The following KYAT3 variants were observed in gnomAD, a reference collection of about 807,000 sequenced individuals.
KYAT3 encodes the protein kynurenine--oxoglutarate transaminase 3.
In KYAT3, 50 loss-of-function variants were observed where a neutral mutation model predicts 59.0. The ratio of observed to expected loss-of-function variants is 0.85; its 90% CI spans 0.68 to 1.07. The LOEUF (loss-of-function observed/expected upper bound fraction) is 1.07. Among genes scored for constraint, KYAT3 ranks in the 50% least tolerant of loss-of-function variants. The pLI is 0.00. For missense variants in KYAT3, 497 were observed against 533.3 expected, an observed-to-expected ratio of 0.93 and a Z score of 0.67; for synonymous variants, 148 against 177.0, an observed-to-expected ratio of 0.84 and a Z score of 1.30.
At chr1:88,973,880 A>C (rs1676655511) in intron 2 of KYAT3, among the ~76,000 whole-genome samples, 1 of 152,210 alleles carries the variant, frequency 6.6e-6, no homozygotes, top group Non-Finnish European at 1.5e-5. Context: ...TTCCCATAAG[A>C]TCTGAGGCAG....
chr1:88,927,917 T>C, the KYAT3 span, among the ~76,000 whole-genome samples: 49 of 152,132 alleles, frequency 3.2e-4, no homozygotes, highest in African/African-American at 1.1e-3. Flanking sequence ...TGATCTCTGG[T>C]ATCTCAGTCA....
intron 2 of KYAT3, chr1:88,981,999 A>G (rs1677115543): frequency 1.0e-6 from 1 of 981,468 alleles, no homozygotes; most frequent in Non-Finnish European, 1.2e-6. Flanking sequence ...AGTATTCCGT[A>G]GTTGTTTAGC....
At position 88,988,342 on chromosome 1, in the gene KYAT3, C is replaced by A. The variant is rs1677591652; in HGVS notation, c.9G>T (p.Leu3Phe). Residue 3 changes from leucine (L) to phenylalanine (F), a missense_variant, in exon 2 of 14, where the codon TTG (leucine) becomes TTT (phenylalanine). Around this residue, in one of 2 missense-constraint regions of KYAT3, gnomAD observed 469 missense variants for 479.1 expected, o/e 0.98. Transcript: ENST00000260508. MF[L>F]AQRSLCSLSG... is the part of the protein sequence containing the mutation. ...TAAGAGAGCAGAGGCTCCTCTGGGCCAAAAACATGCTATTAAATAAAAGAA... is the reference window on the plus strand; with the variant it reads ...TAAGAGAGCAGAGGCTCCTCTGGGCAAAAAACATGCTATTAAATAAAAGAA... 3 of 1,605,988 alleles carry A rather than the reference C, an allele frequency of 1.9e-6. No homozygotes were observed. The highest frequency in any genetic ancestry group is 4.5e-5 in the East Asian group (2 of 44,748).
At chr1:88,935,420 C>G (rs918478917), downstream of KYAT3, among the ~76,000 whole-genome samples, 3 of 150,680 alleles carry the variant, frequency 2.0e-5, no homozygotes, top group Non-Finnish European at 4.4e-5. Context: ...CAACAATGAG[C>G]TGGAAGAATA....
intron 2 of KYAT3, chr1:88,982,794 C>A (rs1362991201): frequency 1.2e-6 from 2 of 1,613,868 alleles, no homozygotes; most frequent in Non-Finnish European, 8.5e-7. Flanking sequence ...AGCCCTCTTT[C>A]TTGTCTGCCA....
intron 11 of KYAT3, among the ~76,000 whole-genome samples, chr1:88,948,879 C>T (rs943645812): frequency 6.6e-6 from 1 of 152,164 alleles, no homozygotes; most frequent in South Asian, 2.1e-4. Flanking sequence ...ACTAGAACAA[C>T]ACTGACTCCA....
chr1:88,959,853 G>T (rs1302273381), intron 8 of KYAT3, among the ~76,000 whole-genome samples: 1 of 151,244 alleles, frequency 6.6e-6, no homozygotes, highest in Non-Finnish European at 1.5e-5. Flanking sequence ...TATGGCACAT[G>T]CAACAATGCA....
the KYAT3 span, chr1:88,923,410 A>C: frequency 1.3e-5 from 2 of 153,680 alleles, no homozygotes; most frequent in Non-Finnish European, 2.9e-5. Flanking sequence ...CCACCCCCCG[A>C]CAGCCTGTCA....
Position 88,953,141 on chromosome 1 carries a change from G to C in KYAT3, c.876C>G (p.Ser292=). The stretch of plus-strand genomic sequence containing the variant: ...GTTTTATCAAATGATTTGGACCAAT[G>C]GACCAGCCAAGCTGGGAAAGGAAAA... The part of the protein sequence containing the change: ...FSVTGWKLGW[S]IGPNHLIKHL... The change falls in exon 10 of 14, where the codon TCC becomes TCG. Residue 292 remains serine, a synonymous_variant. Coordinates refer to ENST00000260508, the MANE Select transcript of KYAT3 (RefSeq NM_001008661.3). 6.2e-7 allele frequency: 1 copy of C among 1,610,716 alleles called. No homozygotes were observed.
At chr1:88,983,482 T>G (rs1336958328) in intron 2 of KYAT3, 1 of 1,614,006 alleles carries the variant, frequency 6.2e-7, no homozygotes, top group Non-Finnish European at 8.5e-7. Flanking sequence ...TTCCTCCACT[T>G]CCTCCTCTTC....
At chr1:88,974,829 A>C (rs1177576958) in intron 2 of KYAT3, among the ~76,000 whole-genome samples, 1 of 151,812 alleles carries the variant, frequency 6.6e-6, no homozygotes, top group Non-Finnish European at 1.5e-5. Flanking sequence ...GATTGTAAAC[A>C]CACCAATTAG....
At chr1:88,926,917 C>T in the KYAT3 span, among the ~76,000 whole-genome samples, 2 of 152,176 alleles carry the variant, frequency 1.3e-5, no homozygotes, top group Admixed American at 1.3e-4. Context: ...TACTCAGGAA[C>T]CCAGCCCAGC....
At chr1:88,991,577 G>T (rs1035761572) in intron 1 of KYAT3, among the ~76,000 whole-genome samples, 1 of 152,224 alleles carries the variant, frequency 6.6e-6, no homozygotes, top group African/African-American at 2.4e-5. Context: ...GGAGTACAGT[G>T]GAAGGATGCG....
chr1:88,970,965 T>C (rs1676533712), intron 2 of KYAT3, among the ~76,000 whole-genome samples: 1 of 152,180 alleles, frequency 6.6e-6, no homozygotes, highest in Non-Finnish European at 1.5e-5. Flanking sequence ...GTAAATCACA[T>C]GAAAATTCTC....
intron 1 of KYAT3, among the ~76,000 whole-genome samples, chr1:88,988,878 C>A (rs1007361456): frequency 1.3e-5 from 2 of 152,274 alleles, no homozygotes; most frequent in African/African-American, 4.8e-5. Flanking sequence ...TTAGGTTATT[C>A]TGAAGGTACT....
At chr1:88,924,352 G>A in the KYAT3 span, among the ~76,000 whole-genome samples, 1 of 152,148 alleles carries the variant, frequency 6.6e-6, no homozygotes, top group Non-Finnish European at 1.5e-5. Flanking sequence ...CCAATGCTGG[G>A]ACTTACATGA....
In KYAT3 at chr1:88,976,583, G is replaced by A. The variant is rs553027363; in HGVS notation, c.100-7116C>T. 4.6e-5 allele frequency among the ~76,000 whole-genome samples: 7 copies of A among 152,202 alleles called. No individual in the cohort carries two copies. In the South Asian group the frequency reaches 1.5e-3, roughly 32 times the overall value. On this transcript the variant is annotated intron_variant, in intron 2 of 13. Transcript: ENST00000260508. ...TATTTACTATACCATACCTTTTATT[G>A]TTATTTTAGAGTGTACCCTTACTTA...
chr1:88,932,474 T>G (rs527418350), downstream of KYAT3, among the ~76,000 whole-genome samples: 24 of 152,120 alleles, frequency 1.6e-4, no homozygotes, highest in Non-Finnish European at 3.1e-4. Flanking sequence ...AGTAATTATA[T>G]ACAATGCCGC....
At chr1:88,971,155 CCACAAA>C (rs950726719) in intron 2 of KYAT3, among the ~76,000 whole-genome samples, 18 of 152,166 alleles carry the variant, frequency 1.2e-4, no homozygotes, top group African/African-American at 4.3e-4. Flanking sequence ...TCAGTAGAGA[CCACAAA>C]CACAAAGGAT....
Sources: allele counts gnomAD v4.1 joint callset (sites outside exome capture counted in the v4.1 genomes callset), GRCh38; gene constraint gnomAD v4.1.1; regional missense constraint gnomAD v4.1.1; transcripts MANE v1.5; gene names NCBI Gene and HGNC (gene_info 2026-07-23, HGNC 2026-07-21).